The following HK1 variants were observed in gnomAD, a reference collection of about 807,000 sequenced individuals.
HK1 encodes the protein hexokinase-1.
Under a neutral mutation model 91.6 loss-of-function variants are expected in HK1, and 28 were observed. The ratio of observed to expected loss-of-function variants is 0.31; its 90% CI spans 0.23 to 0.42. The LOEUF (loss-of-function observed/expected upper bound fraction) is 0.42. Ranked by LOEUF, HK1 falls within the 10% of genes least tolerant of loss-of-function variation. HK1 has a pLI of 1.00. For missense variants in HK1, 770 were observed against 1,219.8 expected (o/e 0.63, Z 5.49); for synonymous variants, 430 against 468.1 (o/e 0.92, Z 1.05).
At chr10:69,335,818 G>T (rs1847949784) in intron 1 of HK1, among the ~76,000 whole-genome samples, 1 of 152,212 alleles carries the variant, frequency 6.6e-6, no homozygotes, top group Non-Finnish European at 1.5e-5. Flanking sequence ...TCAAATGCAG[G>T]TGTCTACATG....
chr10:69,353,456 G>A (rs1385855043), intron 2 of HK1, among the ~76,000 whole-genome samples: 1 of 152,048 alleles, frequency 6.6e-6, no homozygotes, highest in African/African-American at 2.4e-5. Context: ...AGCCAGATGT[G>A]GTGGCACGTG....
chr10:69,335,576 G>A (rs113039570), intron 1 of HK1, among the ~76,000 whole-genome samples: 1 of 152,208 alleles, frequency 6.6e-6, no homozygotes, highest in African/African-American at 2.4e-5. Context: ...GTCCACCCCA[G>A]TCTCTGCAAG....
chr10:69,273,835 G>A lies in HK1; in HGVS notation c.-391+3727G>A, dbSNP rs144604751. 1.5e-3 allele frequency among the ~76,000 whole-genome samples: 226 copies of A among 151,840 alleles called. 1 individual carries two copies. The highest frequency in any genetic ancestry group is 5.3e-4 in the Non-Finnish European group (36 of 67,944). ...CTCTATTGACATTATTTATCTTTTCGTCCATTTTTTCTAACTTTTCTTTTA... is the reference window on the plus strand; with the variant it reads ...CTCTATTGACATTATTTATCTTTTCATCCATTTTTTCTAACTTTTCTTTTA... On this transcript the variant is annotated intron_variant, in intron 1 of 21. Coordinates refer to the HK1 transcript ENST00000360289.
intron 2 of HK1, among the ~76,000 whole-genome samples, chr10:69,346,098 C>CTGTCTTCA (rs1412713642): frequency 2.2e-5 from 3 of 138,138 alleles, no homozygotes; most frequent in Non-Finnish European, 4.8e-5. Flanking sequence ...TGCCGGGCTT[C>CTGTCTTCA]TGTCTTCACC....
chr10:69,341,671 A>G (rs1478433707), intron 1 of HK1, among the ~76,000 whole-genome samples: 1 of 151,440 alleles, frequency 6.6e-6, no homozygotes, highest in Non-Finnish European at 1.5e-5. Context: ...GCCCAGGCTA[A>G]TCTCGAACTC....
At chr10:69,340,712 A>G (rs910459492) in intron 1 of HK1, among the ~76,000 whole-genome samples, 6 of 152,114 alleles carry the variant, frequency 3.9e-5, no homozygotes, top group African/African-American at 1.2e-4. Flanking sequence ...CTTTTATTGT[A>G]TGATCTTGCG....
intron 17 of HK1, among the ~76,000 whole-genome samples, chr10:69,399,275 C>G (rs142597492): frequency 1.0e-3 from 152 of 152,186 alleles, no homozygotes; most frequent in Admixed American, 3.4e-3. Context: ...TTTGGGAGGC[C>G]TAGGTGGGAG....
chr10:69,311,533 T>C (rs1846378732), upstream of HK1, among the ~76,000 whole-genome samples: 1 of 152,162 alleles, frequency 6.6e-6, no homozygotes, highest in Non-Finnish European at 1.5e-5. Context: ...ACGATTTCAT[T>C]TGGGGAAACC....
chr10:69,401,009 C>G lies in HK1; in HGVS notation c.2628C>G (p.His876Gln). ...TTTTTAGCTTCTCCAGAATCATGCACCAGACGGTGAAGGAACTGTCACCAA... is the reference window on the plus strand; with the variant it reads ...TTTTTAGCTTCTCCAGAATCATGCAGCAGACGGTGAAGGAACTGTCACCAA... ...KLHPHFSRIM[H>Q]QTVKELSPKC... Residue 876 changes from histidine (H) to glutamine (Q), a missense_variant, in exon 18 of 18, where the codon CAC becomes CAG. By Grantham distance (24) the His-to-Gln change is conservative (BLOSUM62 0). Around this residue, in one of 7 missense-constraint regions of HK1, gnomAD observed 78 missense variants for 99.0 expected, o/e 0.79. Coordinates refer to ENST00000359426, the MANE Select transcript of HK1 (RefSeq NM_000188.3). 1.9e-6 allele frequency: 3 copies of G among 1,614,252 alleles called. No individual in the cohort carries two copies. Among genetic ancestry groups the G allele is most frequent in the Non-Finnish European group, 2.5e-6 (3 of 1,180,042 alleles).
At chr10:69,304,989 C>G (rs1319623340) in intron 5 of HK1, among the ~76,000 whole-genome samples, 1 of 152,192 alleles carries the variant, frequency 6.6e-6, no homozygotes. Context: ...CTTCCAGCTT[C>G]CAGTGGCCCC....
intron 2 of HK1, chr10:69,288,599 CT>C (rs1399270738): frequency 5.0e-5 from 40 of 792,818 alleles, no homozygotes; most frequent in Admixed American, 1.7e-4. Context: ...GTTTAGCTTC[CT>C]AATTGGTGAG....
At chr10:69,272,447 A>G (rs1477857725) in intron 1 of HK1, among the ~76,000 whole-genome samples, 1 of 152,208 alleles carries the variant, frequency 6.6e-6, no homozygotes, top group African/African-American at 2.4e-5. Flanking sequence ...CATTCCTTGT[A>G]GTACAGCACT....
chr10:69,375,651 C>A (rs1475889980), intron 7 of HK1, among the ~76,000 whole-genome samples: 1 of 152,340 alleles, frequency 6.6e-6, no homozygotes, highest in Admixed American at 6.5e-5. Flanking sequence ...GATTGTTTTG[C>A]TGTGTCACAG....
At chr10:69,340,026 A>G (rs1054037992) in intron 1 of HK1, among the ~76,000 whole-genome samples, 2 of 152,238 alleles carry the variant, frequency 1.3e-5, no homozygotes, top group African/African-American at 4.8e-5. Context: ...AGAATTATAT[A>G]GTATTATTCC....
intron 2 of HK1, among the ~76,000 whole-genome samples, chr10:69,283,825 AAAAAAG>A (rs1174170747): frequency 6.6e-6 from 1 of 151,402 alleles, no homozygotes; most frequent in East Asian, 1.9e-4. Context: ...AAAGAAAAGA[AAAAAAG>A]AAAAAGAAAA....
Position 69,322,493 on chromosome 10 carries a change from C to T in HK1, c.63+3483C>T, listed in dbSNP as rs186971005. Among the ~76,000 whole-genome samples, 136 of 152,256 alleles carry T rather than the reference C, an allele frequency of 8.9e-4. 1 individual carries two copies. Among genetic ancestry groups the T allele is most frequent in the Admixed American group, 3.5e-3 (53 of 15,288 alleles). ...AACTCAGGAGTCCTTGAGTACTTGA[C>T]CCAGGAAGACAGGGGAGAGTAGGCT... On this transcript the variant is annotated intron_variant, in intron 1 of 17. Coordinates refer to ENST00000359426, the MANE Select transcript of HK1 (RefSeq NM_000188.3).
chr10:69,342,061 T>C (rs1195146638), intron 1 of HK1, among the ~76,000 whole-genome samples: 1 of 152,000 alleles, frequency 6.6e-6, no homozygotes, highest in African/African-American at 2.4e-5. Flanking sequence ...GGCAGGAGAA[T>C]TGCTTGAACC....
intron 2 of HK1, among the ~76,000 whole-genome samples, chr10:69,352,387 T>C (rs549433317): frequency 1.3e-5 from 2 of 152,330 alleles, no homozygotes; most frequent in South Asian, 4.1e-4. Context: ...ATTTGAACAA[T>C]GCCACAAAGT....
intron 1 of HK1, among the ~76,000 whole-genome samples, chr10:69,321,319 G>C (rs1028939478): frequency 1.3e-5 from 2 of 152,216 alleles, no homozygotes; most frequent in Non-Finnish European, 2.9e-5. Flanking sequence ...TTGCCCAAGT[G>C]TGCAGATGCT....
Sources: allele counts gnomAD v4.1 joint callset (sites outside exome capture counted in the v4.1 genomes callset), GRCh38; gene constraint gnomAD v4.1.1; regional missense constraint gnomAD v4.1.1; transcripts MANE v1.5; gene names NCBI Gene and HGNC (gene_info 2026-07-23, HGNC 2026-07-21).